The following CCBE1 variants were observed in gnomAD, a reference collection of about 807,000 sequenced individuals.
CCBE1 encodes the protein collagen and calcium-binding EGF domain-containing protein 1.
CCBE1 carries 37 observed loss-of-function variants against 50.0 expected under a neutral mutation model. The ratio of observed to expected loss-of-function variants is 0.74; its 90% confidence interval spans 0.57 to 0.97. The LOEUF (loss-of-function observed/expected upper bound fraction) is 0.97, where lower values mean the gene tolerates loss of function less well. Ranked by LOEUF, CCBE1 falls within the 50% of genes least tolerant of loss-of-function variation. The pLI, the probability that CCBE1 is intolerant of heterozygous loss-of-function variation, is 0.00. For missense variants in CCBE1, 538 were observed against 523.8 expected (o/e 1.03, Z -0.26); for synonymous variants, 234 against 203.7 (o/e 1.15, Z -1.27).
intron 2 of CCBE1, among the ~76,000 whole-genome samples, chr18:59,650,620 C>T (rs1454728191): frequency 6.6e-6 from 1 of 151,492 alleles, no homozygotes; most frequent in Non-Finnish European, 1.5e-5. Flanking sequence ...ATTTCTGATG[C>T]CCTGGGAAAG....
Position 59,539,817 on chromosome 18 carries a change from T to C in CCBE1, c.213-59579A>G, listed in dbSNP as rs545223547. Among the ~76,000 whole-genome samples the C allele has an allele frequency of 9.8e-4, 149 of 152,380 alleles. 1 individual carries two copies. The highest frequency in any genetic ancestry group is 6.8e-3 in the Middle Eastern group (2 of 294). ...CATAAGAATCAACCAAAATTTTCAA[T>C]TGGTCATGTTTTTCCAGACTAATAT... is the stretch of plus-strand genomic sequence containing the variant. On this transcript the variant is annotated intron_variant, in intron 2 of 10. Coordinates refer to ENST00000439986, the MANE Select transcript of CCBE1 (RefSeq NM_133459.4).
At chr18:59,474,409 A>G (rs893970696) in intron 3 of CCBE1, among the ~76,000 whole-genome samples, 3 of 152,234 alleles carry the variant, frequency 2.0e-5, no homozygotes, top group African/African-American at 7.2e-5. Context: ...TGATTTGGCC[A>G]GTGCATTACA....
intron 2 of CCBE1, chr18:59,666,291 A>T (rs2054355695): frequency 6.6e-6 from 1 of 152,170 alleles, no homozygotes; most frequent in Admixed American, 6.5e-5. Context: ...GATTCCTCTC[A>T]TGGCACATGG....
At position 59,522,993 on chromosome 18, in the gene CCBE1, C is replaced by CAAAAAAAAAAAAAAA. The variant is rs57217059; in HGVS notation, c.213-42770_213-42756dup. 2.2e-4 allele frequency among the ~76,000 whole-genome samples: 20 copies of CAAAAAAAAAAAAAAA among 89,220 alleles called. 2 individuals are homozygous for CAAAAAAAAAAAAAAA. The highest frequency in any genetic ancestry group is 3.6e-4 in the Non-Finnish European group (16 of 44,712). The allele number at this position is 89,220 out of a possible 152,430, so 58.5% of individuals were successfully genotyped here. ...GGCAACAGAGTGAGAGACTCTGTTTCAAAAAAAAAAAAAAAAAAAATTCTC... is the reference window on the plus strand; with the variant it reads ...GGCAACAGAGTGAGAGACTCTGTTTCAAAAAAAAAAAAAAAAAAAAAAAAAAAAAAAAAAATTCTC... On this transcript the variant is annotated intron_variant, in intron 2 of 10. Transcript: ENST00000439986.
chr18:59,696,273 T>G (rs577909696), intron 2 of CCBE1, among the ~76,000 whole-genome samples: 1 of 152,252 alleles, frequency 6.6e-6, no homozygotes, highest in South Asian at 2.1e-4. Context: ...CGCTGTACTT[T>G]CAAAACAAAA....
intron 2 of CCBE1, among the ~76,000 whole-genome samples, chr18:59,685,482 AAAC>A (rs1340474901): frequency 6.6e-6 from 1 of 152,252 alleles, no homozygotes; most frequent in African/African-American, 2.4e-5. Flanking sequence ...GCCATGGAAT[AAAC>A]AAAGACCATT....
rs1239219129 is a variant in CCBE1 at position 59,611,443 on chromosome 18, C to A, written c.212+85186G>T. Among the ~76,000 whole-genome samples, 4 of 152,302 alleles carry A rather than the reference C, an allele frequency of 2.6e-5. No homozygotes were observed. In the East Asian group the frequency reaches 5.8e-4, roughly 22 times the overall value. ...GCCCACACATGAGTGAAGCAGAGGACTGTCAAGAAGCATTTTTCGGGCCAG... is the reference window on the plus strand; with the variant it reads ...GCCCACACATGAGTGAAGCAGAGGAATGTCAAGAAGCATTTTTCGGGCCAG... On this transcript the variant is annotated intron_variant, in intron 2 of 10. Transcript: ENST00000439986.
At chr18:59,578,440 T>G (rs2053032825) in intron 2 of CCBE1, among the ~76,000 whole-genome samples, 1 of 152,170 alleles carries the variant, frequency 6.6e-6, no homozygotes, top group African/African-American at 2.4e-5. Flanking sequence ...AGCAATCCCA[T>G]TACTGGGTAT....
chr18:59,473,696 C>T (rs373816513), intron 3 of CCBE1, among the ~76,000 whole-genome samples: 7 of 67,298 alleles, frequency 1.0e-4, no homozygotes, highest in East Asian at 4.3e-4. Flanking sequence ...CCAACCCTCC[C>T]ACTACTCCCC....
At chr18:59,489,463 G>C (rs1030060457) in intron 2 of CCBE1, among the ~76,000 whole-genome samples, 1 of 152,030 alleles carries the variant, frequency 6.6e-6, no homozygotes, top group African/African-American at 2.4e-5. Flanking sequence ...ACCCATGCTG[G>C]AGTGCAGTGG....
intron 2 of CCBE1, among the ~76,000 whole-genome samples, chr18:59,679,845 G>A (rs1008689313): frequency 7.9e-5 from 12 of 152,174 alleles, no homozygotes; most frequent in Non-Finnish European, 1.2e-4. Context: ...ATGAACATTG[G>A]TTCAGTCTAG....
chr18:59,463,860 GA>G (rs1911613482), intron 5 of CCBE1, among the ~76,000 whole-genome samples: 2 of 152,176 alleles, frequency 1.3e-5, no homozygotes, highest in African/African-American at 4.8e-5. Context: ...AGAGACAATG[GA>G]CTTGCCAGGC....
chr18:59,612,225 A>G (rs141311446), intron 2 of CCBE1, among the ~76,000 whole-genome samples: 2,317 of 151,516 alleles, frequency 0.015, 35 homozygotes, highest in Middle Eastern at 0.051. Flanking sequence ...TTAAACCAAC[A>G]TGGCACATGT....
rs150239542 is a variant in CCBE1, at chr18:59,603,027, G to C, written c.212+93602C>G. 1.5e-3 allele frequency among the ~76,000 whole-genome samples: 223 copies of C among 152,302 alleles called. 2 individuals are homozygous for C. The highest frequency in any genetic ancestry group is 2.8e-3 in the Non-Finnish European group (193 of 68,016). ...CATGGAAACTAAAGGAGGTAAGCTG[G>C]AATCACACTCACATGCTCCCAGGAA... On this transcript the variant is annotated intron_variant, in intron 2 of 10. Transcript: ENST00000439986.
chr18:59,537,129 A>G (rs868103546), intron 2 of CCBE1, among the ~76,000 whole-genome samples: 3 of 152,126 alleles, frequency 2.0e-5, no homozygotes, highest in African/African-American at 4.8e-5. Flanking sequence ...CTTAAGAACT[A>G]TCTTTTGGGC....
At chr18:59,696,575 C>T in intron 2 of CCBE1, 54 bp downstream of exon 2, 1 of 1,609,866 alleles carries the variant, frequency 6.2e-7, no homozygotes, top group Non-Finnish European at 8.5e-7. Context: ...GCGCCGCCTC[C>T]CCAGCCAGCC....
chr18:59,523,013 ATT>A (rs1914673502), intron 2 of CCBE1, among the ~76,000 whole-genome samples: 5 of 150,236 alleles, frequency 3.3e-5, no homozygotes, highest in African/African-American at 9.8e-5. Context: ...AAAAAAAAAA[ATT>A]CTCAATGTTA....
chr18:59,534,988 A>T (rs1403179263), intron 2 of CCBE1, among the ~76,000 whole-genome samples: 14 of 152,252 alleles, frequency 9.2e-5, no homozygotes, highest in Admixed American at 9.2e-4. Context: ...TGACTTTTAG[A>T]GAGGCAAATA....
intron 2 of CCBE1, among the ~76,000 whole-genome samples, chr18:59,502,463 A>AGGCTGT (rs5825343): frequency 6.6e-6 from 1 of 151,224 alleles, no homozygotes; most frequent in Non-Finnish European, 1.5e-5. Flanking sequence ...AGGGAGGAAC[A>AGGCTGT]GGTATCCATT....
Sources: allele counts gnomAD v4.1 joint callset (sites outside exome capture counted in the v4.1 genomes callset), GRCh38; gene constraint gnomAD v4.1.1; transcripts MANE v1.5; gene names NCBI Gene and HGNC (gene_info 2026-07-23, HGNC 2026-07-21).